Variants in KLF7 observed in about 807,000 individuals in gnomAD.
The protein encoded by KLF7 is KLF transcription factor 7.
A neutral mutation model predicts 27.3 loss-of-function variants in KLF7; 2 were observed. The ratio of observed to expected loss-of-function variants is 0.07; its 90% CI spans 0.03 to 0.23. KLF7 has a LOEUF of 0.23. KLF7 is among the 10% of genes least tolerant of loss of function. The pLI is 1.00. For synonymous variants in KLF7, 165 were observed against 162.4 expected (o/e 1.02, Z -0.12); for missense variants, 221 against 394.1 (o/e 0.56, Z 3.72).
chr2:207,131,091 T>A (rs1008060425), intron 1 of KLF7, among the ~76,000 whole-genome samples: 8 of 152,184 alleles, frequency 5.3e-5, no homozygotes, highest in African/African-American at 1.9e-4. Flanking sequence ...TATAAAAGCA[T>A]GGGAAAGTGC....
At chr2:207,134,392 C>T (rs991866713) in intron 1 of KLF7, among the ~76,000 whole-genome samples, 6 of 152,034 alleles carry the variant, frequency 3.9e-5, no homozygotes, top group Non-Finnish European at 8.8e-5. Flanking sequence ...CCATTGGGCC[C>T]TCGGTGGCAG....
In KLF7 at chr2:207,081,057, GTATA is replaced by G; in HGVS notation, c.*152_*155del. ...TATGTGTGTGGGTCTGTGAGTGTGT[GTATA>G]TGTGTGTGTGTGTGTGTGTGTGTAC... On this transcript the variant is annotated 3_prime_UTR_variant, in exon 4 of 4. Coordinates refer to ENST00000309446, the MANE Select transcript of KLF7 (RefSeq NM_003709.4). The G allele has an allele frequency of 3.8e-6, 2 of 523,946 alleles. No homozygotes were observed. The highest frequency in any genetic ancestry group is 7.0e-6 in the Non-Finnish European group (2 of 285,740). 32.5% of individuals were successfully genotyped at this position (523,946 alleles called of 1,614,324 possible). A position where few individuals can be genotyped will look rare whatever the true frequency, so the allele number is the denominator to read the frequency against.
intron 2 of KLF7, among the ~76,000 whole-genome samples, chr2:207,119,913 C>T (rs186826856): frequency 8.2e-4 from 125 of 152,254 alleles, no homozygotes; most frequent in African/African-American, 2.9e-3. Flanking sequence ...AGGCTGGTCT[C>T]GAACTCCTGA....
intron 2 of KLF7, among the ~76,000 whole-genome samples, chr2:207,103,279 T>C (rs2076809509): frequency 1.3e-5 from 2 of 152,106 alleles, no homozygotes; most frequent in Admixed American, 1.3e-4. Flanking sequence ...ACTTTCGAAA[T>C]ATCTGCATGA....
chr2:207,167,130 T>C, upstream of KLF7: 2 of 1,439,110 alleles, frequency 1.4e-6, no homozygotes, highest in Non-Finnish European at 1.8e-6. Context: ...CTTTACGTGA[T>C]GAGGCTCACC....
upstream of KLF7, among the ~76,000 whole-genome samples, chr2:207,167,630 T>G (rs2078749434): frequency 6.6e-6 from 1 of 152,244 alleles, no homozygotes; most frequent in Non-Finnish European, 1.5e-5. Flanking sequence ...TTGGCCAGAT[T>G]CATAGCATTC....
the KLF7 span, among the ~76,000 whole-genome samples, chr2:207,173,349 C>A: frequency 6.6e-6 from 1 of 152,142 alleles, no homozygotes; most frequent in East Asian, 1.9e-4. Context: ...GGAGCCTGGT[C>A]ACCGCGGCAG....
At chr2:207,148,165 C>T (rs777537741) in intron 1 of KLF7, among the ~76,000 whole-genome samples, 54 of 152,206 alleles carry the variant, frequency 3.5e-4, no homozygotes, top group Non-Finnish European at 1.2e-4. Context: ...AAAAATCCAG[C>T]TGCATACTCA....
intron 1 of KLF7, among the ~76,000 whole-genome samples, chr2:207,144,255 G>C (rs958285420): frequency 1.3e-5 from 2 of 151,914 alleles, no homozygotes; most frequent in African/African-American, 4.8e-5. Context: ...ATGCCAGCAA[G>C]TGAAAAGTCA....
Position 207,124,373 on chromosome 2 carries a change from G to A in KLF7, c.134C>T (p.Thr45Met), listed in dbSNP as rs1283605397. The A allele has an allele frequency of 1.9e-6, 3 of 1,580,290 alleles. No homozygotes were observed. Among genetic ancestry groups the A allele is most frequent in the Non-Finnish European group, 2.6e-6 (3 of 1,158,970 alleles). Residue 45 changes from threonine to methionine, a missense_variant, in exon 2 of 4, where the codon ACG becomes ATG. Coordinates refer to ENST00000309446, the MANE Select transcript of KLF7 (RefSeq NM_003709.4). The part of the protein sequence containing the change: ...TCLELERYLQ[T>M]EPRRISETFG... ...GGTCTCTGAGATCCTCCGGGGCTCC[G>A]TCTGTAGGTAGCGTTCCAATTCAAG...
intron 1 of KLF7, 101 bp downstream of exon 1, chr2:207,165,366 C>G: frequency 6.6e-7 from 1 of 1,520,084 alleles, no homozygotes; most frequent in Non-Finnish European, 8.9e-7. Context: ...AAAAAAAAGT[C>G]AAACAAACAA....
chr2:207,105,586 A>G (rs967857182), intron 2 of KLF7, among the ~76,000 whole-genome samples: 2 of 152,232 alleles, frequency 1.3e-5, no homozygotes, highest in Non-Finnish European at 2.9e-5. Flanking sequence ...CCCTTCTTCC[A>G]TCACAGTCCA....
intron 2 of KLF7, among the ~76,000 whole-genome samples, chr2:207,093,711 C>A (rs1559115296): frequency 6.6e-6 from 1 of 152,184 alleles, no homozygotes; most frequent in South Asian, 2.1e-4. Flanking sequence ...TCAATCCCGT[C>A]CGATACATTA....
At chr2:207,127,644 C>T (rs1011665344) in intron 1 of KLF7, among the ~76,000 whole-genome samples, 1 of 152,056 alleles carries the variant, frequency 6.6e-6, no homozygotes, top group Non-Finnish European at 1.5e-5. Context: ...GAGTTTGAAA[C>T]CAGCCTGGCC....
rs920872923 is a variant in KLF7, at chr2:207,074,818, T to C, written c.*6395A>G. ...CTCTATCATTCTAAAATATTGCTTTTCATAATCTCCAACAATTGGCTCCCT... is the reference window on the plus strand; with the variant it reads ...CTCTATCATTCTAAAATATTGCTTTCCATAATCTCCAACAATTGGCTCCCT... On this transcript the variant is annotated 3_prime_UTR_variant, in exon 4 of 4. Transcript: ENST00000309446. 15 of 152,154 alleles carry C rather than the reference T, an allele frequency of 9.9e-5. No individual in the cohort carries two copies. Among genetic ancestry groups the C allele is most frequent in the African/African-American group, 3.6e-4 (15 of 41,430 alleles). 9.4% of individuals were successfully genotyped at this position (152,154 alleles called of 1,614,324 possible). A position where few individuals can be genotyped will look rare whatever the true frequency, so the allele number is the denominator to read the frequency against.
At chr2:207,097,331 G>C (rs915284493) in intron 2 of KLF7, among the ~76,000 whole-genome samples, 2 of 152,038 alleles carry the variant, frequency 1.3e-5, no homozygotes, top group African/African-American at 4.8e-5. Context: ...GAAAGTGACT[G>C]GTCAGTTACA....
chr2:207,159,381 A>G (rs1477991590), intron 1 of KLF7, among the ~76,000 whole-genome samples: 2 of 152,212 alleles, frequency 1.3e-5, no homozygotes, highest in Non-Finnish European at 2.9e-5. Flanking sequence ...TATGTGGGTA[A>G]TACAGATAGG....
intron 1 of KLF7, among the ~76,000 whole-genome samples, chr2:207,142,804 C>A (rs377422600): frequency 6.6e-6 from 1 of 152,198 alleles, no homozygotes; most frequent in Non-Finnish European, 1.5e-5. Flanking sequence ...GTACACATTA[C>A]GGAGGAGCAA....
intron 3 of KLF7, among the ~76,000 whole-genome samples, chr2:207,082,616 T>C (rs1236997443): frequency 6.6e-6 from 1 of 152,186 alleles, no homozygotes; most frequent in South Asian, 2.1e-4. Context: ...TCAGCCTACA[T>C]GACAGCAGTC....
Sources: allele counts gnomAD v4.1 joint callset (sites outside exome capture counted in the v4.1 genomes callset), GRCh38; gene constraint gnomAD v4.1.1; transcripts MANE v1.5; gene names NCBI Gene and HGNC (gene_info 2026-07-23, HGNC 2026-07-21).